The following ITPRID1 variants were observed in gnomAD, a reference collection of about 807,000 sequenced individuals.
ITPRID1 encodes protein ITPRID1.
In ITPRID1, 96 loss-of-function variants were observed where a neutral mutation model predicts 95.4. The observed-to-expected ratio is 1.01, with a 90% confidence interval of 0.85 to 1.19. ITPRID1 has a LOEUF of 1.19. Among genes scored for constraint, ITPRID1 ranks in the 50% most tolerant of loss-of-function variants. ITPRID1 has a pLI of 0.00. For missense variants in ITPRID1, 1,339 were observed against 1,252.9 expected (o/e 1.07, Z -1.04); for synonymous variants, 510 against 453.6 (o/e 1.12, Z -1.58).
At chr7:31,598,773 A>C (rs1475231862) in intron 10 of ITPRID1, among the ~76,000 whole-genome samples, 1 of 152,176 alleles carries the variant, frequency 6.6e-6, no homozygotes, top group Non-Finnish European at 1.5e-5. Flanking sequence ...AAATAATATG[A>C]ATATACAATT....
chr7:31,646,759 C>T (rs1227305309), intron 12 of ITPRID1, among the ~76,000 whole-genome samples: 5 of 152,124 alleles, frequency 3.3e-5, no homozygotes, highest in Non-Finnish European at 7.4e-5. Flanking sequence ...TGTCCTCAGA[C>T]GTGGGTAGAT....
At chr7:31,615,688 A>AATTAATAAC (rs1338656400) in intron 10 of ITPRID1, among the ~76,000 whole-genome samples, 1 of 151,932 alleles carries the variant, frequency 6.6e-6, no homozygotes, top group East Asian at 1.9e-4. Context: ...GATCATTACT[A>AATTAATAAC]ATAACATACT....
intron 10 of ITPRID1, among the ~76,000 whole-genome samples, chr7:31,612,758 C>T (rs1429101658): frequency 2.0e-5 from 3 of 152,208 alleles, no homozygotes; most frequent in South Asian, 2.1e-4. Context: ...TGTGCAGCCT[C>T]GAGGTCTTTC....
intron 10 of ITPRID1, among the ~76,000 whole-genome samples, chr7:31,614,912 A>G (rs1352550819): frequency 6.6e-6 from 1 of 152,190 alleles, no homozygotes; most frequent in African/African-American, 2.4e-5. Context: ...CCTTTGGAGT[A>G]TGGCGGGAAT....
At chr7:31,628,279 C>T (rs1255707161) in intron 10 of ITPRID1, among the ~76,000 whole-genome samples, 1 of 152,078 alleles carries the variant, frequency 6.6e-6, no homozygotes, top group Non-Finnish European at 1.5e-5. Flanking sequence ...GGAGCACAGG[C>T]AGGGCAGAGA....
At chr7:31,652,157 G>A in intron 14 of ITPRID1, 107 bp downstream of exon 14, 1 of 855,358 alleles carries the variant, frequency 1.2e-6, no homozygotes. Context: ...AGGTTTACAT[G>A]CCAACACCTT....
At chr7:31,636,117 C>G (rs1025547399) in intron 10 of ITPRID1, among the ~76,000 whole-genome samples, 1 of 152,098 alleles carries the variant, frequency 6.6e-6, no homozygotes, top group Non-Finnish European at 1.5e-5. Context: ...TGAGAACTCA[C>G]TCACTGTCAC....
chr7:31,514,759 T>C (rs1782995909), intron 1 of ITPRID1, among the ~76,000 whole-genome samples: 1 of 152,178 alleles, frequency 6.6e-6, no homozygotes, highest in Admixed American at 6.5e-5. Context: ...TGTTAAATAC[T>C]AATGAAATTG....
At chr7:31,528,322 C>A (rs1004184189) in intron 1 of ITPRID1, among the ~76,000 whole-genome samples, 2 of 152,144 alleles carry the variant, frequency 1.3e-5, no homozygotes, top group African/African-American at 4.8e-5. Flanking sequence ...CTATTAAAAT[C>A]TTCTAGAATG....
chr7:31,631,729 A>C (rs576105491), intron 10 of ITPRID1, among the ~76,000 whole-genome samples: 1 of 152,296 alleles, frequency 6.6e-6, no homozygotes, highest in African/African-American at 2.4e-5. Flanking sequence ...AGACCTTGAA[A>C]CCAAAACCTC....
rs146267805 is a variant in ITPRID1 at position 31,643,717 on chromosome 7, G to A, written c.2347G>A (p.Val783Ile). ...TGGGCCCCAGCCCCTCACCAAATCC[G>A]TCTCTCTAGACTCAGGCTTCTCTAG... ...THGPQPLTKSVSLDSGFSSIC... is the reference protein window; with the variant it reads ...THGPQPLTKSISLDSGFSSIC... Residue 783 changes from valine (V) to isoleucine (I), a missense_variant, in exon 12 of 15, where the codon GTC becomes ATC. Val to Ile is a conservative substitution (Grantham distance 29, BLOSUM62 3). Transcript: ENST00000615280. 224 of 1,613,984 alleles carry A rather than the reference G, an allele frequency of 1.4e-4. No homozygotes were observed. The Middle Eastern group carries it at 1.5e-3, about 11-fold the overall frequency.
intron 1 of ITPRID1, among the ~76,000 whole-genome samples, chr7:31,528,455 G>C (rs1783492266): frequency 6.6e-6 from 1 of 152,184 alleles, no homozygotes; most frequent in South Asian, 2.1e-4. Context: ...CTGAGACAAA[G>C]TTGTGGTCTT....
chr7:31,530,792 C>A lies in ITPRID1; in HGVS notation c.-98+16672C>A, dbSNP rs554681677. On this transcript the variant is annotated intron_variant, in intron 1 of 14. Coordinates refer to ENST00000615280, the MANE Select transcript of ITPRID1 (RefSeq NM_001257967.3). ...AATAGTCCAAATAATTATAACAAGT[C>A]CAGAGTTCATTGTTTGTTTCATAAT... 4.6e-5 allele frequency among the ~76,000 whole-genome samples: 7 copies of A among 151,778 alleles called. No individual in the cohort carries two copies. The East Asian group carries it at 1.4e-3, about 29-fold the overall frequency.
intron 10 of ITPRID1, among the ~76,000 whole-genome samples, chr7:31,586,335 AG>A (rs1785605786): frequency 1.3e-5 from 2 of 150,162 alleles, no homozygotes; most frequent in South Asian, 4.3e-4. Context: ...CATGATTTAT[AG>A]TCCTTTGGGT....
At chr7:31,630,002 A>G (rs1188256948) in intron 10 of ITPRID1, among the ~76,000 whole-genome samples, 4 of 152,164 alleles carry the variant, frequency 2.6e-5, no homozygotes, top group African/African-American at 7.2e-5. Flanking sequence ...ACACACACAC[A>G]AAATTGCTAG....
rs772598233 is a variant in ITPRID1 at position 31,652,749 on chromosome 7, T to C, written c.3055T>C (p.Ser1019Pro). ...LENSTRMSPS[S>P]SAWAKLGPTP... ...GAACAGCACCAGGATGTCTCCTTCA[T>C]CATCAGCTTGGGCAAAGTTAGGTCC... The change falls in exon 15 of 15, where the codon TCA (serine) becomes CCA (proline). Residue 1019 changes from serine (S) to proline (P), a missense_variant. Ser to Pro is a moderately conservative substitution (Grantham distance 74). Transcript: ENST00000615280. 4.3e-6 allele frequency: 7 copies of C among 1,613,960 alleles called. No homozygotes were observed. In the South Asian group the frequency reaches 7.7e-5, roughly 18 times the overall value.
chr7:31,595,199 C>T (rs1786034243), intron 10 of ITPRID1, among the ~76,000 whole-genome samples: 1 of 151,452 alleles, frequency 6.6e-6, no homozygotes, highest in South Asian at 2.1e-4. Context: ...CATGAGCCAC[C>T]ACACCCAGCT....
At chr7:31,558,897 G>A (rs1784538624) in intron 5 of ITPRID1, among the ~76,000 whole-genome samples, 1 of 152,112 alleles carries the variant, frequency 6.6e-6, no homozygotes, top group South Asian at 2.1e-4. Flanking sequence ...AGGTTTTAAT[G>A]CCACTAAAAT....
chr7:31,588,493 T>TGG (rs1328895177), intron 10 of ITPRID1, among the ~76,000 whole-genome samples: 1 of 151,550 alleles, frequency 6.6e-6, no homozygotes, highest in African/African-American at 2.4e-5. Context: ...TAGCTGGGCA[T>TGG]GGTGGTGGGT....
Sources: gnomAD v4.1 joint callset for allele counts (sites outside exome capture counted in the v4.1 genomes callset) on GRCh38, gnomAD v4.1.1 for gene constraint, MANE v1.5 for transcripts, NCBI Gene and HGNC (gene_info 2026-07-23, HGNC 2026-07-21) for gene names.